The following CMSS1 variants were observed in gnomAD, a reference collection of about 807,000 sequenced individuals.
CMSS1 encodes cms1 ribosomal small subunit homolog, also known as protein CMSS1.
In CMSS1, 33 loss-of-function variants were observed where a neutral mutation model predicts 43.5. The observed-to-expected ratio is 0.76, with a 90% CI of 0.57 to 1.01. The LOEUF (loss-of-function observed/expected upper bound fraction) is 1.01. Among genes scored for constraint, CMSS1 ranks in the 50% least tolerant of loss-of-function variants. The pLI is 0.00. For missense variants in CMSS1, 313 were observed against 326.4 expected, an observed-to-expected ratio of 0.96 and a Z score of 0.32; for synonymous variants, 115 against 117.2, an observed-to-expected ratio of 0.98 and a Z score of 0.12.
intron 9 of CMSS1, 56 bp from the exon 10 acceptor site, chr3:100,178,249 C>T: frequency 3.7e-6 from 4 of 1,092,576 alleles, no homozygotes; most frequent in East Asian, 2.4e-5. Flanking sequence ...AATGTATTCA[C>T]CAAGACCATT....
At chr3:100,070,743 T>G (rs1368299265) in intron 1 of CMSS1, among the ~76,000 whole-genome samples, 2 of 152,120 alleles carry the variant, frequency 1.3e-5, no homozygotes, top group Non-Finnish European at 2.9e-5. Flanking sequence ...GCAGTTCTCC[T>G]GCCTCAGCCT....
intron 1 of CMSS1, among the ~76,000 whole-genome samples, chr3:100,039,160 A>T (rs2065159618): frequency 6.6e-6 from 1 of 152,224 alleles, no homozygotes; most frequent in South Asian, 2.1e-4. Context: ...AGTTCATCAA[A>T]CACAGAGACA....
In CMSS1 at chr3:100,146,975, G is replaced by A. The variant is rs1273110899; in HGVS notation, c.67G>A (p.Ala23Thr). The A allele has an allele frequency of 6.2e-7, 1 of 1,613,380 alleles. No individual in the cohort carries two copies. The highest frequency in any genetic ancestry group is 2.2e-5 in the East Asian group (1 of 44,860). ...TTTTCAAACTTTATATTTTCTAGAAGCATCAGATGGTGAAGGAGAAGGAGA... is the reference window on the plus strand; with the variant it reads ...TTTTCAAACTTTATATTTTCTAGAAACATCAGATGGTGAAGGAGAAGGAGA... Reference protein sequence around the residue: ...QPTGAGSSPEASDGEGEGDTE... With the variant: ...QPTGAGSSPETSDGEGEGDTE... Residue 23 changes from alanine (A) to threonine (T), a missense_variant and splice_region_variant, in exon 2 of 10, where the codon GCA (alanine) becomes ACA (threonine). Physicochemically the swap from Ala to Thr is moderately conservative, Grantham distance 58 (BLOSUM62 0). Coordinates refer to ENST00000421999, the MANE Select transcript of CMSS1 (RefSeq NM_032359.4).
Position 100,162,308 on chromosome 3 carries a change from A to G in CMSS1, c.231A>G (p.Lys77=). The G allele has an allele frequency of 6.2e-7, 1 of 1,605,150 alleles. No individual in the cohort carries two copies. The highest frequency in any genetic ancestry group is 1.3e-5 in the African/African-American group (1 of 74,386). The change falls in exon 4 of 10, where the codon AAA becomes AAG. Residue 77 remains lysine, a synonymous_variant. Transcript: ENST00000421999. ...TCTTCTTTCTCATATCTTAGAAGAA[A>G]ATTACTGATGTTCTTGCAAAATCAG... The part of the protein sequence containing the change: ...TTKTRKRRKK[K]ITDVLAKSEP...
intron 1 of CMSS1, chr3:100,023,613 T>C (rs1388917184): frequency 1.3e-5 from 2 of 152,522 alleles, no homozygotes; most frequent in African/African-American, 2.4e-5. Flanking sequence ...GCTGTTTTAA[T>C]TATTTGCTCT....
chr3:100,167,917 G>A, intron 6 of CMSS1, 77 bp downstream of exon 6: 1 of 964,468 alleles, frequency 1.0e-6, no homozygotes, highest in Admixed American at 2.4e-5. Flanking sequence ...TGTTCTATGT[G>A]CTGGAGATGT....
intron 2 of CMSS1, among the ~76,000 whole-genome samples, chr3:100,156,824 C>CCTT (rs2107523545): frequency 6.7e-6 from 1 of 149,594 alleles, no homozygotes; most frequent in African/African-American, 2.5e-5. Context: ...ACCATGTTAG[C>CCTT]CAGAATGGTC....
intron 1 of CMSS1, among the ~76,000 whole-genome samples, chr3:100,066,808 G>A (rs2065673327): frequency 1.1e-5 from 1 of 94,788 alleles, no homozygotes; most frequent in Non-Finnish European, 2.5e-5. Flanking sequence ...TGGGATTACA[G>A]GCGTGGCTTT....
chr3:99,935,311 A>G (rs1380998535), intron 1 of CMSS1, among the ~76,000 whole-genome samples: 3 of 151,454 alleles, frequency 2.0e-5, no homozygotes, highest in Admixed American at 1.3e-4. Context: ...CCAAATAATG[A>G]TACTTTACTC....
intron 1 of CMSS1, among the ~76,000 whole-genome samples, chr3:100,087,587 A>G (rs1447166517): frequency 1.3e-5 from 2 of 151,844 alleles, no homozygotes; most frequent in Non-Finnish European, 2.9e-5. Context: ...TTGTTTTCTT[A>G]TTATTGAGTT....
At chr3:100,110,058 C>CA (rs1275345788) in intron 1 of CMSS1, 10 of 151,830 alleles carry the variant, frequency 6.6e-5, no homozygotes, top group African/African-American at 1.7e-4. Flanking sequence ...GAAGATAAAT[C>CA]AAGTCACTAA....
chr3:100,081,561 G>A (rs2065932395), intron 1 of CMSS1, among the ~76,000 whole-genome samples: 2 of 152,142 alleles, frequency 1.3e-5, no homozygotes, highest in South Asian at 4.1e-4. Flanking sequence ...CTTTGGTTGG[G>A]AATAACATTG....
chr3:99,920,189 A>T (rs1286681160), intron 1 of CMSS1, among the ~76,000 whole-genome samples: 2 of 152,252 alleles, frequency 1.3e-5, no homozygotes, highest in East Asian at 3.8e-4. Flanking sequence ...ATGCAGTAAC[A>T]TATATGGATA....
intron 1 of CMSS1, among the ~76,000 whole-genome samples, chr3:100,086,630 G>T (rs532915014): frequency 4.3e-4 from 66 of 152,316 alleles, no homozygotes; most frequent in African/African-American, 1.5e-3. Flanking sequence ...AATCATTGCA[G>T]CAATTTAGTG....
chr3:100,164,394 T>G (rs997088325), intron 4 of CMSS1, among the ~76,000 whole-genome samples: 2 of 152,182 alleles, frequency 1.3e-5, no homozygotes, highest in Admixed American at 1.3e-4. Context: ...TCTCTGGAGT[T>G]AGAGAGAGTC....
chr3:99,870,438 T>A (rs540158089), intron 1 of CMSS1, among the ~76,000 whole-genome samples: 19 of 152,348 alleles, frequency 1.2e-4, no homozygotes, highest in Non-Finnish European at 2.4e-4. Context: ...AGCTGATCTC[T>A]CCTACCTTCA....
chr3:100,042,927 C>T (rs1307140137), intron 1 of CMSS1, among the ~76,000 whole-genome samples: 1 of 152,236 alleles, frequency 6.6e-6, no homozygotes, highest in Non-Finnish European at 1.5e-5. Flanking sequence ...AGTCCACATT[C>T]ATCATGGAAA....
intron 2 of CMSS1, among the ~76,000 whole-genome samples, 192 bp from the exon 3 acceptor site, chr3:100,160,238 T>G (rs912184261): frequency 1.3e-5 from 2 of 152,208 alleles, no homozygotes; most frequent in South Asian, 2.1e-4. Context: ...GCTTTCTGAC[T>G]TTCTCAAATT....
At position 100,099,784 on chromosome 3, in the gene CMSS1, G is replaced by A. The variant is rs151098409; in HGVS notation, c.65-47189G>A. ...TTCTGTAGCAGTGGGAACCTAACAG[G>A]CCACCAAGGAGAGCCAGACATTTGA... On this transcript the variant is annotated intron_variant, in intron 1 of 9. Coordinates refer to ENST00000421999, the MANE Select transcript of CMSS1 (RefSeq NM_032359.4). Among the ~76,000 whole-genome samples, 536 of 152,220 alleles carry A rather than the reference G, an allele frequency of 3.5e-3. 2 individuals are homozygous for A. Among genetic ancestry groups the A allele is most frequent in the African/African-American group, 0.012 (510 of 41,520 alleles).
Sources: gnomAD v4.1 joint callset for allele counts (sites outside exome capture counted in the v4.1 genomes callset) on GRCh38, gnomAD v4.1.1 for gene constraint, MANE v1.5 for transcripts, NCBI Gene and HGNC (gene_info 2026-07-23, HGNC 2026-07-21) for gene names.